The following TENM4 variants were observed in gnomAD, a reference collection of about 807,000 sequenced individuals.
The protein encoded by TENM4 is teneurin transmembrane protein 4, also known as teneurin-4.
A neutral mutation model predicts 243.3 loss-of-function variants in TENM4; 82 were observed. The ratio of observed to expected loss-of-function variants is 0.34; its 90% CI spans 0.28 to 0.40. TENM4 has a LOEUF of 0.40. Ranked by LOEUF, TENM4 falls within the 10% of genes least tolerant of loss-of-function variation. The pLI is 1.00. For missense variants in TENM4, 3,138 were observed against 3,673.3 expected, an observed-to-expected ratio of 0.85 and a Z score of 3.77; for synonymous variants, 1,412 against 1,456.3, an observed-to-expected ratio of 0.97 and a Z score of 0.69.
At chr11:79,358,456 G>A (rs949658594) in intron 1 of TENM4, among the ~76,000 whole-genome samples, 2 of 152,080 alleles carry the variant, frequency 1.3e-5, no homozygotes, top group African/African-American at 2.4e-5. Flanking sequence ...TTCATGGGCC[G>A]GATGAAAAAT....
intron 24 of TENM4, among the ~76,000 whole-genome samples, chr11:78,721,760 C>T (rs1859659116): frequency 6.6e-6 from 1 of 152,172 alleles, no homozygotes; most frequent in South Asian, 2.1e-4. Flanking sequence ...TCACATGCAC[C>T]CTGGCCCAGA....
chr11:78,869,624 G>A (rs1225570393), intron 9 of TENM4, among the ~76,000 whole-genome samples: 2 of 152,024 alleles, frequency 1.3e-5, no homozygotes, highest in African/African-American at 2.4e-5. Flanking sequence ...TGAGAAACTC[G>A]TTTGACAAAT....
intron 1 of TENM4, among the ~76,000 whole-genome samples, chr11:79,413,862 TG>T (rs1858754532): frequency 6.6e-6 from 1 of 151,886 alleles, no homozygotes; most frequent in Non-Finnish European, 1.5e-5. Flanking sequence ...GAATCATGTC[TG>T]CAAAAAAAAG....
chr11:78,885,874 A>C (rs912739988), intron 9 of TENM4, among the ~76,000 whole-genome samples: 1 of 152,192 alleles, frequency 6.6e-6, no homozygotes, highest in African/African-American at 2.4e-5. Flanking sequence ...GCAGTGAGCT[A>C]TGACTGTGCC....
intron 6 of TENM4, among the ~76,000 whole-genome samples, chr11:78,978,317 C>G (rs561934276): frequency 1.4e-5 from 2 of 147,644 alleles, no homozygotes; most frequent in East Asian, 4.1e-4. Context: ...CAAACCTGCA[C>G]GTTCTACACA....
chr11:79,150,963 G>A (rs548065825), intron 3 of TENM4, among the ~76,000 whole-genome samples: 1 of 152,214 alleles, frequency 6.6e-6, no homozygotes, highest in African/African-American at 2.4e-5. Flanking sequence ...GAAAATAGAA[G>A]CTTGGAAAAG....
intron 3 of TENM4, among the ~76,000 whole-genome samples, chr11:79,157,775 G>A (rs1334172902): frequency 6.6e-6 from 1 of 152,096 alleles, no homozygotes; most frequent in East Asian, 1.9e-4. Context: ...TAATCCTACT[G>A]TACTGTATTG....
At chr11:78,746,974 G>C (rs897974287) in intron 19 of TENM4, among the ~76,000 whole-genome samples, 4 of 152,142 alleles carry the variant, frequency 2.6e-5, no homozygotes, top group Admixed American at 2.6e-4. Flanking sequence ...CCAGGAAAGG[G>C]GAAACCAGAA....
At chr11:78,915,770 A>G (rs1463682147) in intron 6 of TENM4, among the ~76,000 whole-genome samples, 1 of 152,162 alleles carries the variant, frequency 6.6e-6, no homozygotes, top group Non-Finnish European at 1.5e-5. Context: ...CCCCAATTCC[A>G]TGGGCCCTGC....
chr11:79,192,847 T>C (rs1174964713), intron 3 of TENM4, among the ~76,000 whole-genome samples: 1 of 152,148 alleles, frequency 6.6e-6, no homozygotes, highest in Non-Finnish European at 1.5e-5. Flanking sequence ...CTAGACGATA[T>C]GATTATTTTC....
intron 4 of TENM4, among the ~76,000 whole-genome samples, chr11:79,085,280 G>A (rs1860781377): frequency 6.6e-6 from 1 of 151,688 alleles, no homozygotes; most frequent in South Asian, 2.1e-4. Flanking sequence ...AGGAGGCTGA[G>A]GCAGGAGAAT....
intron 2 of TENM4, among the ~76,000 whole-genome samples, chr11:79,290,012 T>C (rs759159137): frequency 6.6e-6 from 1 of 151,906 alleles, no homozygotes; most frequent in African/African-American, 2.4e-5. Flanking sequence ...GCCAGGCGGG[T>C]CTTGAACTCC....
chr11:78,875,149 G>A (rs1175709119), intron 9 of TENM4, among the ~76,000 whole-genome samples: 1 of 152,170 alleles, frequency 6.6e-6, no homozygotes, highest in African/African-American at 2.4e-5. Context: ...ACATGTGCAT[G>A]GCAGTGCTGG....
chr11:78,830,391 G>A (rs2136144654), intron 12 of TENM4, among the ~76,000 whole-genome samples: 1 of 152,288 alleles, frequency 6.6e-6, no homozygotes, highest in African/African-American at 2.4e-5. Flanking sequence ...AGAGGCCTCT[G>A]AGACCTGCTC....
chr11:78,887,653 T>G (rs568944447), intron 9 of TENM4, among the ~76,000 whole-genome samples: 1 of 152,364 alleles, frequency 6.6e-6, no homozygotes, highest in African/African-American at 2.4e-5. Flanking sequence ...TTATTCTAAG[T>G]GGTCCCTGAG....
At chr11:78,892,045 C>T (rs1037534528) in intron 7 of TENM4, among the ~76,000 whole-genome samples, 9 of 152,144 alleles carry the variant, frequency 5.9e-5, no homozygotes, top group African/African-American at 1.9e-4. Flanking sequence ...AGAGGATCAT[C>T]GTCCTTTAGC....
intron 3 of TENM4, among the ~76,000 whole-genome samples, chr11:79,186,485 G>A (rs1441620991): frequency 6.6e-6 from 1 of 152,200 alleles, no homozygotes; most frequent in Non-Finnish European, 1.5e-5. Flanking sequence ...TATAGATGAG[G>A]CTGAGAAAGG....
chr11:79,164,369 A>T (rs1293099493), intron 3 of TENM4, among the ~76,000 whole-genome samples: 21 of 107,744 alleles, frequency 1.9e-4, no homozygotes, highest in African/African-American at 6.0e-4. Flanking sequence ...TATACTATAT[A>T]TAATATATAG....
chr11:79,230,857 C>T (rs1864360023), intron 2 of TENM4, among the ~76,000 whole-genome samples: 1 of 152,136 alleles, frequency 6.6e-6, no homozygotes, highest in South Asian at 2.1e-4. Context: ...GTGTAATACA[C>T]ACATATAAGC....
Sources: gnomAD v4.1 joint callset for allele counts (sites outside exome capture counted in the v4.1 genomes callset) on GRCh38, gnomAD v4.1.1 for gene constraint, MANE v1.5 for transcripts, NCBI Gene and HGNC (gene_info 2026-07-23, HGNC 2026-07-21) for gene names.